Variants in RHOBTB2 observed in about 807,000 individuals in gnomAD.
RHOBTB2 encodes the protein Rho related BTB domain containing 2, also known as rho-related BTB domain-containing protein 2.
Under a neutral mutation model 66.5 loss-of-function variants are expected in RHOBTB2, and 39 were observed. The observed-to-expected ratio is 0.59, with a 90% confidence interval of 0.45 to 0.77. The LOEUF (loss-of-function observed/expected upper bound fraction) is 0.77, where lower values mean the gene tolerates loss of function less well. Ranked by LOEUF, RHOBTB2 falls within the 30% of genes least tolerant of loss-of-function variation. RHOBTB2 has a pLI of 0.00. For synonymous variants in RHOBTB2, 390 were observed against 395.0 expected, an observed-to-expected ratio of 0.99 and a Z score of 0.15; for missense variants, 755 against 999.1, an observed-to-expected ratio of 0.76 and a Z score of 3.29.
intron 8 of RHOBTB2, 65 bp downstream of exon 8, chr8:23,014,843 C>T: frequency 2.2e-6 from 3 of 1,339,208 alleles, no homozygotes; most frequent in South Asian, 1.2e-5. Context: ...CCATTGGCTG[C>T]GAATGGGAAG....
the RHOBTB2 span, among the ~76,000 whole-genome samples, chr8:22,965,923 A>G: frequency 6.6e-6 from 1 of 152,304 alleles, no homozygotes; most frequent in East Asian, 1.9e-4. Flanking sequence ...AACAAACTGG[A>G]CTCCATGAAA....
chr8:22,954,723 A>G, the RHOBTB2 span, among the ~76,000 whole-genome samples: 2 of 152,260 alleles, frequency 1.3e-5, no homozygotes, highest in Admixed American at 1.3e-4. Context: ...ATGCAGGAGA[A>G]TATCTTTAGT....
chr8:22,983,297 T>C (rs1190478121), upstream of RHOBTB2, among the ~76,000 whole-genome samples: 1 of 151,382 alleles, frequency 6.6e-6, no homozygotes, highest in Non-Finnish European at 1.5e-5. Flanking sequence ...TGTGACACTT[T>C]TACCTTGATC....
At chr8:22,956,653 T>TTTTG in the RHOBTB2 span, among the ~76,000 whole-genome samples, 20 of 152,042 alleles carry the variant, frequency 1.3e-4, no homozygotes, top group Non-Finnish European at 1.3e-4. Context: ...AATCTCCAGG[T>TTTTG]TTTGTTTGTT....
chr8:22,956,949 G>A, the RHOBTB2 span, among the ~76,000 whole-genome samples: 7 of 152,196 alleles, frequency 4.6e-5, no homozygotes, highest in South Asian at 2.1e-4. Context: ...CATGAGCTAC[G>A]GTGCCCAGCC....
chr8:22,991,884 G>A (rs1313580859), intron 1 of RHOBTB2: 1 of 152,222 alleles, frequency 6.6e-6, no homozygotes, highest in Non-Finnish European at 1.5e-5. Context: ...ATCCAGCAAT[G>A]CCTAAGGGAA....
the RHOBTB2 span, among the ~76,000 whole-genome samples, chr8:22,969,106 T>C: frequency 6.6e-6 from 1 of 152,156 alleles, no homozygotes; most frequent in Non-Finnish European, 1.5e-5. Context: ...TGGGGAGGCC[T>C]CACAATCATG....
chr8:22,954,802 G>C, the RHOBTB2 span, among the ~76,000 whole-genome samples: 1 of 152,188 alleles, frequency 6.6e-6, no homozygotes. Flanking sequence ...CCATAGATTT[G>C]ACTATATCTA....
intron 9 of RHOBTB2, among the ~76,000 whole-genome samples, chr8:23,016,396 C>T (rs372120197): frequency 2.5e-4 from 38 of 152,122 alleles, no homozygotes; most frequent in African/African-American, 8.4e-4. Flanking sequence ...TACTACAACA[C>T]TTTTAAAAAA....
At chr8:23,012,349 C>G (rs1359631644) in intron 7 of RHOBTB2, among the ~76,000 whole-genome samples, 3 of 152,202 alleles carry the variant, frequency 2.0e-5, no homozygotes, top group African/African-American at 7.2e-5. Context: ...TTAAACTAGA[C>G]TGCTGCATGG....
At chr8:23,007,796 C>G in intron 5 of RHOBTB2, 50 bp downstream of exon 5, 3 of 1,590,382 alleles carry the variant, frequency 1.9e-6, no homozygotes, top group Non-Finnish European at 1.7e-6. Context: ...GTGCTATTAG[C>G]ATTGCCTGTC....
the RHOBTB2 span, chr8:22,978,274 T>C: frequency 6.6e-6 from 1 of 152,154 alleles, no homozygotes; most frequent in Admixed American, 6.5e-5. Flanking sequence ...TAACAATTGT[T>C]CAGTTTATTT....
the RHOBTB2 span, among the ~76,000 whole-genome samples, chr8:22,959,452 C>T: frequency 4.6e-5 from 7 of 152,162 alleles, no homozygotes; most frequent in East Asian, 5.8e-4. Flanking sequence ...CGGGGTTTTG[C>T]CATGTTGGTC....
At position 23,007,605 on chromosome 8, in the gene RHOBTB2, C is replaced by T; in HGVS notation, c.1360C>T (p.Leu454=). ...DLMHIAHIAE[L]LEVFDLRMMV... ...CATGCACATTGCCCACATTGCTGAG[C>T]TGCTCGAGGTCTTTGATCTGCGCAT... Residue 454 remains leucine, a synonymous_variant, in exon 5 of 10, where the codon CTG becomes TTG. Coordinates refer to ENST00000251822, the MANE Select transcript of RHOBTB2 (RefSeq NM_015178.3). 1 of 1,614,208 alleles carries T rather than the reference C, an allele frequency of 6.2e-7. No individual in the cohort carries two copies. Among genetic ancestry groups the T allele is most frequent in the Non-Finnish European group, 8.5e-7 (1 of 1,180,040 alleles).
At chr8:22,972,487 A>G in the RHOBTB2 span, among the ~76,000 whole-genome samples, 1 of 152,066 alleles carries the variant, frequency 6.6e-6, no homozygotes, top group African/African-American at 2.4e-5. Flanking sequence ...CCTCCCGGGG[A>G]CGTTAGGTGC....
At chr8:22,995,749 C>A, upstream of RHOBTB2, 2 of 1,150,926 alleles carry the variant, frequency 1.7e-6, no homozygotes, top group Non-Finnish European at 2.5e-6. Flanking sequence ...TTTGCCCCAG[C>A]TGCAGGGTAG....
At chr8:22,995,810 C>A, upstream of RHOBTB2, 1 of 1,547,336 alleles carries the variant, frequency 6.5e-7, no homozygotes, top group Non-Finnish European at 8.7e-7. Context: ...GGGCGGAGCT[C>A]ATGTCACAAG....
rs963776917 is a variant in RHOBTB2 at position 23,006,846 on chromosome 8, GACA to G, written c.604_606del (p.Asn202del). 6.2e-7 allele frequency: 1 copy of G among 1,614,002 alleles called. No individual in the cohort carries two copies. Among genetic ancestry groups the G allele is most frequent in the Non-Finnish European group, 8.5e-7 (1 of 1,180,024 alleles). ...CCAGTTCGGCATCAAGGACGTCTTTGACAACGCCATCCGAGCTGCACTCATCTC... is the reference window on the plus strand; with the variant it reads ...CCAGTTCGGCATCAAGGACGTCTTTGACGCCATCCGAGCTGCACTCATCTC... On this transcript the variant is annotated inframe_deletion, in exon 5 of 10. Transcript: ENST00000251822. This position sits in a 1 kb window ranked among gnomAD's most constrained non-coding sequence, Gnocchi z 6.1.
chr8:22,998,048 C>G (rs1014943381), upstream of RHOBTB2, among the ~76,000 whole-genome samples: 2 of 152,182 alleles, frequency 1.3e-5, no homozygotes, highest in African/African-American at 4.8e-5. Flanking sequence ...TTGTTAACCT[C>G]TTGGCTAGCT....
Sources: allele counts gnomAD v4.1 joint callset (sites outside exome capture counted in the v4.1 genomes callset), GRCh38; gene constraint gnomAD v4.1.1; non-coding constraint Gnocchi (gnomAD v3.1); transcripts MANE v1.5; gene names NCBI Gene and HGNC (gene_info 2026-07-23, HGNC 2026-07-21).